C2: variants seen among roughly 807,000 people sequenced by gnomAD.
C2 encodes the protein complement C2.
Under a neutral mutation model 85.2 loss-of-function variants are expected in C2, and 64 were observed. That is an observed-to-expected ratio of 0.75 (90% CI 0.61 to 0.92). The LOEUF is 0.92. C2 is among the 40% of genes least tolerant of loss of function. C2 has a pLI of 0.00. For missense variants in C2, 820 were observed against 971.6 expected (o/e 0.84, Z 2.07); for synonymous variants, 311 against 370.8 (o/e 0.84, Z 1.85).
chr6:31,928,959 TCCTGGGGAAC>T, intron 3 of C2, 42 bp downstream of exon 3: 1 of 1,558,356 alleles, frequency 6.4e-7, no homozygotes, highest in East Asian at 2.3e-5. Flanking sequence ...GGCTGGGGTC[TCCTGGGGAAC>T]CCTGGGGCCC....
At chr6:31,927,386 T>G, upstream of C2, 1 of 657,436 alleles carries the variant, frequency 1.5e-6, no homozygotes, top group Non-Finnish European at 2.2e-6. This position sits in a 1 kb window ranked among gnomAD's most constrained non-coding sequence, Gnocchi z 4.7. Context: ...AAGAGCAAGG[T>G]GCATGTGTGC....
chr6:31,905,595 C>T (rs1767661235), intron 1 of C2, among the ~76,000 whole-genome samples: 1 of 124,150 alleles, frequency 8.1e-6, no homozygotes, highest in African/African-American at 3.3e-5. Context: ...AGCGAGACAC[C>T]TGTCTCAAAA....
At chr6:31,900,658 G>C, upstream of C2, 1 of 1,612,760 alleles carries the variant, frequency 6.2e-7, no homozygotes, top group Non-Finnish European at 8.5e-7. The surrounding 1 kb of genome is among the most constrained non-coding windows in gnomAD (Gnocchi z 9.7). Flanking sequence ...CCACCTCCAG[G>C]GCCGACTCCA....
rs868371036 is a variant in C2, at chr6:31,935,718, C to T, written c.850-205C>T. ...TCCTGACCTCAGGTGATCCACCTGC[C>T]TAAAGTGTTGGGATTCAGGCATGAG... is the stretch of plus-strand genomic sequence containing the variant. On this transcript the variant is annotated intron_variant, in intron 6 of 17. Transcript: ENST00000299367. This position sits in a 1 kb window ranked among gnomAD's most constrained non-coding sequence, Gnocchi z 4.3. 6.6e-6 allele frequency among the ~76,000 whole-genome samples: 1 copy of T among 152,236 alleles called. No individual in the cohort carries two copies. The highest frequency in any genetic ancestry group is 3.4e-3 in the Middle Eastern group (1 of 292).
chr6:31,900,076 C>T (rs777568711), upstream of C2: 4 of 1,613,326 alleles, frequency 2.5e-6, no homozygotes, highest in Admixed American at 3.3e-5. The surrounding 1 kb of genome is among the most constrained non-coding windows in gnomAD (Gnocchi z 9.7). Context: ...GCCGCGCTCC[C>T]GAGTGCAGGT....
intron 1 of C2, among the ~76,000 whole-genome samples, chr6:31,903,163 C>A (rs1767487148): frequency 6.6e-6 from 1 of 152,230 alleles, no homozygotes; most frequent in African/African-American, 2.4e-5. Context: ...GAAGATGCCA[C>A]TGTTTCCTGC....
In C2 at chr6:31,935,526, GT is replaced by G. The variant is rs1322210370; in HGVS notation, c.850-396del. 1.5e-5 allele frequency: 4 copies of G among 260,366 alleles called. No individual in the cohort carries two copies. The highest frequency in any genetic ancestry group is 8.8e-5 in the African/African-American group (4 of 45,414). 16.1% of individuals were successfully genotyped at this position (260,366 alleles called of 1,614,324 possible). A position where few individuals can be genotyped will look rare whatever the true frequency, so the allele number is the denominator to read the frequency against. On this transcript the variant is annotated intron_variant, in intron 6 of 17. Coordinates refer to ENST00000299367, the MANE Select transcript of C2 (RefSeq NM_000063.6). This position sits in a 1 kb window ranked among gnomAD's most constrained non-coding sequence, Gnocchi z 4.3. ...TCTCTGTCACCCAGGCTGGAGTACA[GT>G]GGTGCGATCTCAGCTCACTGCAAAC...
chr6:31,925,991 G>A (rs779722424), upstream of C2, among the ~76,000 whole-genome samples: 1 of 152,046 alleles, frequency 6.6e-6, no homozygotes, highest in African/African-American at 2.4e-5. Flanking sequence ...ACGGATCTCC[G>A]CTAGGTTTAT....
intron 9 of C2, among the ~76,000 whole-genome samples, chr6:31,940,814 G>C (rs1020901986): frequency 6.6e-6 from 1 of 152,258 alleles, no homozygotes; most frequent in African/African-American, 2.4e-5. Flanking sequence ...TCGTTGTCTA[G>C]CTCCAACTGT....
intron 1 of C2, among the ~76,000 whole-genome samples, chr6:31,902,600 G>A (rs1318181891): frequency 2.6e-5 from 4 of 152,246 alleles, no homozygotes; most frequent in Non-Finnish European, 5.9e-5. Flanking sequence ...GCTCACAGTT[G>A]CTCCAGACAC....
At chr6:31,940,151 G>A (rs920196459) in intron 9 of C2, among the ~76,000 whole-genome samples, 7 of 152,128 alleles carry the variant, frequency 4.6e-5, no homozygotes, top group Non-Finnish European at 1.0e-4. Flanking sequence ...ATCTTCAGTG[G>A]GCTGTGGCCA....
chr6:31,920,613 G>A lies in C2; in HGVS notation c.-100+587G>A, dbSNP rs556169151. Among the ~76,000 whole-genome samples the A allele has an allele frequency of 6.6e-6, 1 of 152,220 alleles. No individual in the cohort carries two copies. The highest frequency in any genetic ancestry group is 1.5e-5 in the Non-Finnish European group (1 of 68,010). On this transcript the variant is annotated intron_variant, in intron 1 of 3. Coordinates refer to the C2 transcript ENST00000413154. The surrounding 1 kb of genome is among the most constrained non-coding windows in gnomAD (Gnocchi z 5.6). ...CTCCCCTGATGGGTAGCAAGAAGTG[G>A]GTGATAACATGCACCATGCCCCCCA...
Position 31,944,735 on chromosome 6 carries a change from C to G in C2, c.1911C>G (p.Ser637Arg), listed in dbSNP as rs139381609. The change falls in exon 16 of 18, where the codon AGC (serine) becomes AGG (arginine). Residue 637 changes from serine (S) to arginine (R), a missense_variant. Coordinates refer to ENST00000299367, the MANE Select transcript of C2 (RefSeq NM_000063.6). This position sits in a 1 kb window ranked among gnomAD's most constrained non-coding sequence, Gnocchi z 5.1. The stretch of plus-strand genomic sequence containing the variant: ...TTCCACCCCTGCTGCAGTGGACAAG[C>G]TGTGCCGAGGTTGTCTCCCAAGAAA... ...INLKMGVEWT[S>R]CAEVVSQEKT... The G allele has an allele frequency of 3.1e-5, 50 of 1,613,088 alleles. No homozygotes were observed. In the African/African-American group the frequency reaches 4.8e-4, roughly 15 times the overall value.
intron 7 of C2, 163 bp downstream of exon 7, chr6:31,936,224 G>C: frequency 1.4e-6 from 1 of 718,862 alleles, no homozygotes. Context: ...TGGTGGGGGA[G>C]TCCAGCTGCC....
intron 9 of C2, among the ~76,000 whole-genome samples, chr6:31,941,025 C>T (rs932979260): frequency 1.3e-5 from 2 of 152,224 alleles, no homozygotes; most frequent in Non-Finnish European, 1.5e-5. Context: ...GGAGGACAGG[C>T]GCGGCCTGTT....
intron 1 of C2, among the ~76,000 whole-genome samples, chr6:31,912,891 G>C (rs1768215737): frequency 6.6e-6 from 1 of 151,464 alleles, no homozygotes. Context: ...ATGACTCTGT[G>C]ATGGTTAATT....
At chr6:31,900,908 A>G, upstream of C2, 1 of 1,614,094 alleles carries the variant, frequency 6.2e-7, no homozygotes, top group African/African-American at 1.3e-5. The surrounding 1 kb of genome is among the most constrained non-coding windows in gnomAD (Gnocchi z 9.7). Flanking sequence ...ATCCTCTTTG[A>G]GGCCTATTTT....
chr6:31,912,931 C>T (rs1466072809), intron 1 of C2, among the ~76,000 whole-genome samples: 5 of 150,502 alleles, frequency 3.3e-5, no homozygotes, highest in Admixed American at 1.3e-4. Flanking sequence ...CAGTGGCTCA[C>T]GCCTGTAATC....
intron 1 of C2, among the ~76,000 whole-genome samples, chr6:31,912,157 G>A (rs915881484): frequency 3.9e-5 from 6 of 152,154 alleles, no homozygotes; most frequent in Non-Finnish European, 7.3e-5. Flanking sequence ...CCACATATTC[G>A]TAAGAGTGGA....
Sources: gnomAD v4.1 joint callset for allele counts (sites outside exome capture counted in the v4.1 genomes callset) on GRCh38, gnomAD v4.1.1 for gene constraint, Gnocchi (gnomAD v3.1) non-coding constraint, MANE v1.5 for transcripts, NCBI Gene and HGNC (gene_info 2026-07-23, HGNC 2026-07-21) for gene names.